Variants in MVK observed in about 807,000 individuals in gnomAD.
MVK encodes the protein mevalonate kinase.
In MVK, 34 loss-of-function variants were observed where a neutral mutation model predicts 43.2. That is an observed-to-expected ratio of 0.79 (90% CI 0.60 to 1.05). The LOEUF is 1.05. MVK is among the 50% of genes least tolerant of loss of function. MVK has a pLI of 0.00. For synonymous variants in MVK, 190 were observed against 219.8 expected, an observed-to-expected ratio of 0.86 and a Z score of 1.20; for missense variants, 395 against 504.0, an observed-to-expected ratio of 0.78 and a Z score of 2.07.
At chr12:109,584,079 C>G (rs1362651014) in intron 5 of MVK, among the ~76,000 whole-genome samples, 1 of 152,214 alleles carries the variant, frequency 6.6e-6, no homozygotes, top group Non-Finnish European at 1.5e-5. Context: ...TTTGACCCAT[C>G]CAAGCCTCAG....
At chr12:109,580,066 G>A in intron 4 of MVK, 120 bp downstream of exon 4, 1 of 1,463,838 alleles carries the variant, frequency 6.8e-7, no homozygotes, top group Non-Finnish European at 9.4e-7. Flanking sequence ...GCCATTGGCT[G>A]TCCTCATCAT....
rs1027363598 is a variant in MVK at position 109,574,720 on chromosome 12, G to C, written c.-14-89G>C. The C allele has an allele frequency of 9.8e-6, 11 of 1,119,150 alleles. No homozygotes were observed. In the African/African-American group the frequency reaches 1.4e-4, roughly 14 times the overall value. The allele number at this position is 1,119,150 out of a possible 1,614,324, so 69.3% of individuals were successfully genotyped here. ...CGGTAACTACCTTTTTTGTTATTAT[G>C]ATGGGCTTGAACTAGGTGTTCTAAG... On this transcript the variant is annotated intron_variant, in intron 1 of 10. Coordinates refer to ENST00000228510, the MANE Select transcript of MVK (RefSeq NM_000431.4).
intron 6 of MVK, among the ~76,000 whole-genome samples, 171 bp from the exon 7 acceptor site, chr12:109,586,583 G>C (rs1885442520): frequency 1.3e-5 from 2 of 152,188 alleles, no homozygotes; most frequent in African/African-American, 4.8e-5. Flanking sequence ...TGGGGCTTCG[G>C]GGACCTTTTG....
At chr12:109,575,573 T>G (rs1884911528) in intron 2 of MVK, among the ~76,000 whole-genome samples, 1 of 152,106 alleles carries the variant, frequency 6.6e-6, no homozygotes, top group Admixed American at 6.5e-5. Flanking sequence ...CTTTTATTTT[T>G]CTGTAGAGAC....
At chr12:109,575,956 C>T (rs759896541) in intron 2 of MVK, 42 bp from the exon 3 acceptor site, 1 of 1,613,080 alleles carries the variant, frequency 6.2e-7, no homozygotes, top group Non-Finnish European at 8.5e-7. Context: ...GCCCCTTTGC[C>T]ACTCACCCTC....
chr12:109,586,945 C>T, intron 7 of MVK, 146 bp downstream of exon 7: 1 of 918,386 alleles, frequency 1.1e-6, no homozygotes. Context: ...GCACTAGCTG[C>T]AAGGAAGCAG....
chr12:109,578,634 T>A (rs1338692336), intron 3 of MVK, among the ~76,000 whole-genome samples: 1 of 152,218 alleles, frequency 6.6e-6, no homozygotes, highest in Non-Finnish European at 1.5e-5. Flanking sequence ...TCTTAACAGC[T>A]GTTCCATCTC....
At chr12:109,585,026 A>G (rs912906834) in intron 5 of MVK, among the ~76,000 whole-genome samples, 4 of 152,224 alleles carry the variant, frequency 2.6e-5, no homozygotes, top group African/African-American at 7.2e-5. Flanking sequence ...AGCTGAGAGA[A>G]AAGAGTGGGG....
At chr12:109,580,498 A>T (rs1310238382) in intron 4 of MVK, among the ~76,000 whole-genome samples, 2 of 152,162 alleles carry the variant, frequency 1.3e-5, no homozygotes, top group Non-Finnish European at 2.9e-5. Context: ...TGAGCAGCAG[A>T]TGCTGGCTCA....
intron 7 of MVK, 111 bp downstream of exon 7, chr12:109,586,910 C>A: frequency 7.5e-7 from 1 of 1,341,130 alleles, no homozygotes. Flanking sequence ...CCTGGCTCTT[C>A]ATCCCCCAAT....
At chr12:109,584,385 C>T (rs1382297469) in intron 5 of MVK, among the ~76,000 whole-genome samples, 1 of 152,224 alleles carries the variant, frequency 6.6e-6, no homozygotes, top group African/African-American at 2.4e-5. Context: ...ACCAGGCCCC[C>T]AGGCGCTGTG....
chr12:109,590,536 T>C (rs553548801), intron 7 of MVK: 589 of 577,508 alleles, frequency 1.0e-3, no homozygotes, highest in Non-Finnish European at 1.6e-3. Flanking sequence ...CCAGTTGAAG[T>C]TGAATGAATA....
intron 8 of MVK, 70 bp from the exon 9 acceptor site, chr12:109,591,171 C>A: frequency 7.0e-7 from 1 of 1,434,530 alleles, no homozygotes; most frequent in Non-Finnish European, 9.8e-7. Flanking sequence ...CTCCACCCCA[C>A]TGCTGGGGCA....
intron 9 of MVK, among the ~76,000 whole-genome samples, chr12:109,593,032 G>T (rs1424013439): frequency 6.6e-6 from 1 of 152,246 alleles, no homozygotes; most frequent in Non-Finnish European, 1.5e-5. Context: ...GTGCAGCTCA[G>T]CTCCTGGACA....
At chr12:109,573,473 A>C (rs1884747870), upstream of MVK, 1 of 1,604,120 alleles carries the variant, frequency 6.2e-7, no homozygotes, top group African/African-American at 1.3e-5. Context: ...CAGGCCGCAC[A>C]CAGCCATGAG....
intron 2 of MVK, among the ~76,000 whole-genome samples, chr12:109,575,570 T>G (rs953253768): frequency 1.3e-5 from 2 of 152,110 alleles, no homozygotes; most frequent in African/African-American, 2.4e-5. Flanking sequence ...TTTCTTTTAT[T>G]TTTCTGTAGA....
chr12:109,586,755 AG>A lies in MVK; in HGVS notation c.635del (p.Gly212GlufsTer13). The A allele has an allele frequency of 6.2e-7, 1 of 1,614,118 alleles. No homozygotes were observed. ...TGACCCACTGGTTTTTCTCTTTAGG[AG>A]GAGCCCTCCGATACCATCAAGGGAA... Reference protein sequence around the residue: ...GVDNAVSTWGGALRYHQGKIS... With the variant: ...GVDNAVSTWGXALRYHQGKIS... On this transcript the variant is annotated frameshift_variant and splice_region_variant, in exon 7 of 11. Transcript: ENST00000228510. LOFTEE classifies it high-confidence loss of function.
rs566021098 is a variant in MVK at position 109,573,856 on chromosome 12, A to AGGCGGC, written c.-22_-17dup. ...CGGCGCGGAGGGGCGGCGGCCGGGGAGGCGGCGGCGGCGGCAGGTGAGAGG... is the reference window on the plus strand; with the variant it reads ...CGGCGCGGAGGGGCGGCGGCCGGGGAGGCGGCGGCGGCGGCGGCGGCAGGTGAGAGG... On this transcript the variant is annotated 5_prime_UTR_variant, in exon 1 of 11. Coordinates refer to ENST00000228510, the MANE Select transcript of MVK (RefSeq NM_000431.4). The AGGCGGC allele has an allele frequency of 1.7e-3, 358 of 207,684 alleles. No homozygotes were observed. Among genetic ancestry groups the AGGCGGC allele is most frequent in the African/African-American group, 7.9e-3 (333 of 41,942 alleles). The allele number at this position is 207,684 out of a possible 1,614,324, so 12.9% of individuals were successfully genotyped here.
rs548339305 is a variant in MVK at position 109,597,688 on chromosome 12, T to G, written c.*1111T>G. 1 of 152,312 alleles carries G rather than the reference T, an allele frequency of 6.6e-6. No homozygotes were observed. The highest frequency in any genetic ancestry group is 6.5e-5 in the Admixed American group (1 of 15,304). The allele number at this position is 152,312 out of a possible 1,614,324, so 9.4% of individuals were successfully genotyped here. On this transcript the variant is annotated 3_prime_UTR_variant, in exon 11 of 11. Coordinates refer to ENST00000228510, the MANE Select transcript of MVK (RefSeq NM_000431.4). ...CCCCCCACCGGCCCTATTTGAACTT[T>G]ATATTGCAGTCAGCTTGGTGCTTTC...
Sources: allele counts gnomAD v4.1 joint callset (sites outside exome capture counted in the v4.1 genomes callset), GRCh38; gene constraint gnomAD v4.1.1; transcripts MANE v1.5; gene names NCBI Gene and HGNC (gene_info 2026-07-23, HGNC 2026-07-21).